Variants in POU6F2 observed in about 807,000 individuals in gnomAD.
POU6F2 encodes POU class 6 homeobox 2, also known as POU domain, class 6, transcription factor 2.
A neutral mutation model predicts 71.3 loss-of-function variants in POU6F2; 31 were observed. That is an observed-to-expected ratio of 0.43 (90% CI 0.33 to 0.59). The LOEUF (loss-of-function observed/expected upper bound fraction) is 0.59, where lower values mean the gene tolerates loss of function less well. POU6F2 is among the 20% of genes least tolerant of loss of function. The probability of loss-of-function intolerance (pLI) is 0.04; values close to 1 mark genes in which losing one functional copy is unlikely to be tolerated. For missense variants in POU6F2, 783 were observed against 856.8 expected, an observed-to-expected ratio of 0.91 and a Z score of 1.07; for synonymous variants, 347 against 355.7, an observed-to-expected ratio of 0.98 and a Z score of 0.27.
At chr7:39,189,599 C>T (rs1485018768) in intron 2 of POU6F2, among the ~76,000 whole-genome samples, 1 of 152,038 alleles carries the variant, frequency 6.6e-6, no homozygotes, top group Non-Finnish European at 1.5e-5. Context: ...GACAGGATTT[C>T]ACCATGTGGC....
At position 39,460,563 on chromosome 7, in the gene POU6F2, G is replaced by A. The variant is rs548578851; in HGVS notation, c.1506G>A (p.Ala502=). The change falls in exon 9 of 10, where the codon GCG becomes GCA. Residue 502 remains alanine, a synonymous_variant. Coordinates refer to ENST00000518318, the MANE Select transcript of POU6F2 (RefSeq NM_001370959.1). The surrounding 1 kb of genome is among the most constrained non-coding windows in gnomAD (Gnocchi z 4.4). ...GQLVSNPQTA[A]GEVDGVNLEE... is the part of the protein sequence containing the mutation. Reference sequence around the variant, plus strand: ...TCTCCACAGATCCTCAAACGGCAGCGGGTGAGGTGGATGGGGTTAATCTGG... The same window carrying A: ...TCTCCACAGATCCTCAAACGGCAGCAGGTGAGGTGGATGGGGTTAATCTGG... The A allele has an allele frequency of 4.3e-6, 7 of 1,613,546 alleles. No individual in the cohort carries two copies. Among genetic ancestry groups the A allele is most frequent in the African/African-American group, 2.7e-5 (2 of 74,900 alleles).
intron 2 of POU6F2, among the ~76,000 whole-genome samples, chr7:39,105,944 G>C (rs190845030): frequency 1.8e-4 from 28 of 152,280 alleles, no homozygotes; most frequent in African/African-American, 6.0e-4. Flanking sequence ...TTCCCAAGTG[G>C]GGAGGTGGGT....
intron 4 of POU6F2, among the ~76,000 whole-genome samples, chr7:39,240,302 A>G (rs1783697660): frequency 1.3e-5 from 2 of 152,146 alleles, no homozygotes; most frequent in African/African-American, 4.8e-5. Context: ...TGTGTCTAAA[A>G]ATAATCTAAA....
intron 2 of POU6F2, among the ~76,000 whole-genome samples, chr7:39,190,417 T>TAAAAAAAAAAAA (rs57872350): frequency 1.3e-4 from 8 of 59,892 alleles, no homozygotes; most frequent in African/African-American, 5.9e-4. Context: ...CTCCTTTTCT[T>TAAAAAAAAAAAA]AAAAAAAAAA....
At chr7:39,237,678 A>G (rs1235286021) in intron 4 of POU6F2, among the ~76,000 whole-genome samples, 3 of 152,124 alleles carry the variant, frequency 2.0e-5, no homozygotes, top group African/African-American at 7.2e-5. Context: ...GTATTTCAAC[A>G]TGGTGCATTT....
chr7:39,311,859 ATAAAAT>A (rs1280965550), intron 4 of POU6F2, among the ~76,000 whole-genome samples: 1 of 152,234 alleles, frequency 6.6e-6, no homozygotes, highest in African/African-American at 2.4e-5. Flanking sequence ...GAAAGAGAAC[ATAAAAT>A]TAATTAAACA....
Position 39,199,334 on chromosome 7 carries a change from T to C in POU6F2, c.278-4901T>C, listed in dbSNP as rs529366460. On this transcript the variant is annotated intron_variant, in intron 2 of 9. Transcript: ENST00000518318. ...TATACTCTCGGGATTAAAAAGAGTA[T>C]ATGTGTTTCTTAAAATGACTTACTT... is the stretch of plus-strand genomic sequence containing the variant. Among the ~76,000 whole-genome samples, 15 of 152,290 alleles carry C rather than the reference T, an allele frequency of 9.8e-5. No homozygotes were observed. The South Asian group carries it at 1.9e-3, about 19-fold the overall frequency.
At chr7:39,422,795 A>G (rs1787880930) in intron 6 of POU6F2, among the ~76,000 whole-genome samples, 1 of 152,182 alleles carries the variant, frequency 6.6e-6, no homozygotes, top group African/African-American at 2.4e-5. Context: ...CCCATAAAAT[A>G]ACTCAGTCCG....
chr7:39,303,223 C>T (rs983006165), intron 4 of POU6F2, among the ~76,000 whole-genome samples: 1 of 152,196 alleles, frequency 6.6e-6, no homozygotes, highest in Non-Finnish European at 1.5e-5. Flanking sequence ...GTAGCACTCA[C>T]TGCAAGCTCC....
chr7:39,114,088 C>T (rs1165691612), intron 2 of POU6F2, among the ~76,000 whole-genome samples: 2 of 152,168 alleles, frequency 1.3e-5, no homozygotes, highest in Non-Finnish European at 2.9e-5. Context: ...TGAATCCATG[C>T]ATGTACCTAT....
At chr7:39,073,357 C>T (rs1025475964) in intron 1 of POU6F2, among the ~76,000 whole-genome samples, 24 of 138,002 alleles carry the variant, frequency 1.7e-4, no homozygotes, top group African/African-American at 3.9e-4. Flanking sequence ...AGATAGCTGA[C>T]GGAATGGGGA....
chr7:39,266,268 T>C (rs1165808455), intron 4 of POU6F2, among the ~76,000 whole-genome samples: 1 of 152,188 alleles, frequency 6.6e-6, no homozygotes, highest in Non-Finnish European at 1.5e-5. Flanking sequence ...AGGATATCCA[T>C]GTGAACAGGA....
At chr7:39,121,939 T>A (rs115208306) in intron 2 of POU6F2, among the ~76,000 whole-genome samples, 23 of 152,280 alleles carry the variant, frequency 1.5e-4, no homozygotes, top group African/African-American at 5.5e-4. Flanking sequence ...CATCAAATGA[T>A]CCACCCGCAT....
At chr7:39,277,628 C>T (rs958871622) in intron 4 of POU6F2, among the ~76,000 whole-genome samples, 3 of 151,978 alleles carry the variant, frequency 2.0e-5, no homozygotes, top group Non-Finnish European at 2.9e-5. Flanking sequence ...ATCAATTGAG[C>T]GGGGAAAGAC....
intron 1 of POU6F2, among the ~76,000 whole-genome samples, chr7:39,007,746 A>T (rs1004714654): frequency 9.3e-5 from 14 of 151,068 alleles, no homozygotes; most frequent in African/African-American, 3.4e-4. Context: ...CTCATTGTTC[A>T]GTTCCCACCT....
chr7:39,465,509 A>C lies in POU6F2; in HGVS notation c.*823A>C, dbSNP rs1056477747. 1 of 152,068 alleles carries C rather than the reference A, an allele frequency of 6.6e-6. No individual in the cohort carries two copies. The highest frequency in any genetic ancestry group is 1.5e-5 in the Non-Finnish European group (1 of 68,018). The allele number at this position is 152,068 out of a possible 1,614,324, so 9.4% of individuals were successfully genotyped here. ...CCAAAGCATTTGTTGCTTTTTTCTCACTATGACTTGTGGGTTTGAGAAAAG... is the reference window on the plus strand; with the variant it reads ...CCAAAGCATTTGTTGCTTTTTTCTCCCTATGACTTGTGGGTTTGAGAAAAG... On this transcript the variant is annotated 3_prime_UTR_variant, in exon 10 of 10. Transcript: ENST00000518318.
intron 4 of POU6F2, among the ~76,000 whole-genome samples, chr7:39,333,102 C>T (rs888301286): frequency 1.3e-5 from 2 of 152,152 alleles, no homozygotes; most frequent in Non-Finnish European, 2.9e-5. Flanking sequence ...CCTCTGAGTG[C>T]TTAGCCCCCG....
At chr7:39,166,677 C>T (rs1793122818) in intron 2 of POU6F2, among the ~76,000 whole-genome samples, 1 of 152,126 alleles carries the variant, frequency 6.6e-6, no homozygotes, top group South Asian at 2.1e-4. Context: ...CTCTCTGGAG[C>T]TTTTTTGTTA....
At chr7:39,405,820 G>A (rs1293717798) in intron 5 of POU6F2, among the ~76,000 whole-genome samples, 2 of 151,996 alleles carry the variant, frequency 1.3e-5, no homozygotes, top group African/African-American at 2.4e-5. Flanking sequence ...CCTCCTCCCC[G>A]GCAGGTCTCT....
Sources: allele counts gnomAD v4.1 joint callset (sites outside exome capture counted in the v4.1 genomes callset), GRCh38; gene constraint gnomAD v4.1.1; non-coding constraint Gnocchi (gnomAD v3.1); transcripts MANE v1.5; gene names NCBI Gene and HGNC (gene_info 2026-07-23, HGNC 2026-07-21).